CELF2: variants seen among roughly 807,000 people sequenced by gnomAD.
CELF2 encodes the protein CUGBP Elav-like family member 2.
CELF2 carries 8 observed loss-of-function variants against 62.6 expected under a neutral mutation model. The observed-to-expected ratio is 0.13, with a 90% CI of 0.07 to 0.23. The LOEUF (loss-of-function observed/expected upper bound fraction) is 0.23. CELF2 is among the 10% of genes least tolerant of loss of function. The probability of loss-of-function intolerance (pLI) is 1.00; values close to 1 mark genes in which losing one functional copy is unlikely to be tolerated. For missense variants in CELF2, 333 were observed against 671.0 expected (o/e 0.50, Z 5.56); for synonymous variants, 258 against 250.0 (o/e 1.03, Z -0.30).
chr10:10,573,614 C>A, the CELF2 span, among the ~76,000 whole-genome samples: 4 of 152,264 alleles, frequency 2.6e-5, no homozygotes, highest in Non-Finnish European at 4.4e-5. Flanking sequence ...CATGTACTTA[C>A]ATTTTTATTG....
the CELF2 span, among the ~76,000 whole-genome samples, chr10:10,778,437 G>A: frequency 6.6e-6 from 1 of 152,206 alleles, no homozygotes; most frequent in South Asian, 2.1e-4. Flanking sequence ...GGAAAAGAGA[G>A]AAAAATTATG....
rs12262014 is a variant in CELF2, at chr10:11,297,046, A to G, written c.976+8494A>G. On this transcript the variant is annotated intron_variant, in intron 9 of 12. Transcript: ENST00000633077. The surrounding 1 kb of genome is among the most constrained non-coding windows in gnomAD (Gnocchi z 4.4). ...TCAGGACTTTAGGCCCAAGAATGAT[A>G]GACTTCCTGTGTGACTGGACTGAGG... 0.21 allele frequency among the ~76,000 whole-genome samples: 31,966 copies of G among 152,068 alleles called. 4,403 individuals carry two copies. The highest frequency in any genetic ancestry group is 0.39 in the African/African-American group (16,198 of 41,432).
the CELF2 span, among the ~76,000 whole-genome samples, chr10:10,622,476 G>GTATA: frequency 2.0e-5 from 3 of 151,846 alleles, no homozygotes; most frequent in African/African-American, 7.3e-5. Context: ...GTGTGTGTGT[G>GTATA]TGTATATATA....
chr10:11,289,915 A>C (rs1285504527), intron 9 of CELF2, among the ~76,000 whole-genome samples: 1 of 152,168 alleles, frequency 6.6e-6, no homozygotes, highest in East Asian at 1.9e-4. Context: ...GACCCTCCCA[A>C]CTTAGATTTC....
intron 3 of CELF2, among the ~76,000 whole-genome samples, chr10:11,238,666 T>A (rs1431746007): frequency 6.6e-6 from 1 of 152,208 alleles, no homozygotes; most frequent in Admixed American, 6.5e-5. Flanking sequence ...GTGCCACATC[T>A]AATGGGAAGG....
intron 1 of CELF2, among the ~76,000 whole-genome samples, chr10:11,099,432 C>T (rs543780469): frequency 2.6e-5 from 4 of 152,294 alleles, no homozygotes; most frequent in African/African-American, 7.2e-5. Flanking sequence ...TTTTATTTCT[C>T]ATTTAAAATG....
chr10:11,086,875 G>A lies in CELF2; in HGVS notation c.74+68712G>A, dbSNP rs573574147. ...AAAGGTGTTTTCTTGCTTTCTTAAA[G>A]GGACAGGAGGAGATGGGGGAGCAAC... On this transcript the variant is annotated intron_variant, in intron 1 of 12. Transcript: ENST00000633077. Among the ~76,000 whole-genome samples the A allele has an allele frequency of 3.9e-5, 6 of 152,244 alleles. No individual in the cohort carries two copies. In the East Asian group the frequency reaches 9.7e-4, roughly 25 times the overall value.
chr10:11,267,869 T>C lies in CELF2; in HGVS notation c.618+1192T>C, dbSNP rs1035895228. On this transcript the variant is annotated intron_variant, in intron 6 of 12. Coordinates refer to ENST00000633077, the MANE Select transcript of CELF2 (RefSeq NM_001326342.2). The surrounding 1 kb of genome is among the most constrained non-coding windows in gnomAD (Gnocchi z 4.4). ...TTTACTGTACTTTTCTGACTTGTGA[T>C]ACCAGCATTGCAAAGCCTATTGTCT... 2.0e-5 allele frequency among the ~76,000 whole-genome samples: 3 copies of C among 152,210 alleles called. No homozygotes were observed. The highest frequency in any genetic ancestry group is 2.0e-4 in the Admixed American group (3 of 15,284).
chr10:10,678,054 C>T, the CELF2 span, among the ~76,000 whole-genome samples: 1 of 152,132 alleles, frequency 6.6e-6, no homozygotes, highest in South Asian at 2.1e-4. Flanking sequence ...CTGGTGCAAG[C>T]CTGTGACAAA....
chr10:10,824,805 G>A (rs1373064994), intron 1 of CELF2, among the ~76,000 whole-genome samples: 1 of 152,182 alleles, frequency 6.6e-6, no homozygotes, highest in Admixed American at 6.5e-5. Flanking sequence ...ACAATGAATT[G>A]TTAAGTTGAA....
At chr10:10,535,316 T>G in the CELF2 span, among the ~76,000 whole-genome samples, 1 of 152,210 alleles carries the variant, frequency 6.6e-6, no homozygotes, top group Admixed American at 6.5e-5. Flanking sequence ...TGAGATGCCC[T>G]CTGGTTCCCA....
intron 1 of CELF2, among the ~76,000 whole-genome samples, chr10:11,083,682 G>T (rs1380770060): frequency 6.6e-6 from 1 of 152,178 alleles, no homozygotes; most frequent in Non-Finnish European, 1.5e-5. Context: ...ATCTCACCGA[G>T]TTGAGTGGTT....
intron 1 of CELF2, among the ~76,000 whole-genome samples, chr10:11,038,066 G>A (rs915560141): frequency 2.6e-5 from 4 of 152,184 alleles, no homozygotes; most frequent in African/African-American, 9.7e-5. Flanking sequence ...GCCATGTTAA[G>A]TTATAAACCA....
intron 1 of CELF2, among the ~76,000 whole-genome samples, chr10:11,093,851 A>G (rs994821980): frequency 6.6e-6 from 1 of 152,232 alleles, no homozygotes; most frequent in African/African-American, 2.4e-5. Flanking sequence ...AACCTGTGAT[A>G]TAATTATGAT....
chr10:10,715,306 A>G, the CELF2 span, among the ~76,000 whole-genome samples: 3 of 152,216 alleles, frequency 2.0e-5, no homozygotes, highest in African/African-American at 4.8e-5. Flanking sequence ...TACTAGCTCC[A>G]TAGAATTTTC....
At chr10:11,099,019 G>T in intron 1 of CELF2, among the ~76,000 whole-genome samples, 1 of 152,304 alleles carries the variant, frequency 6.6e-6, no homozygotes, top group Middle Eastern at 3.4e-3. Flanking sequence ...TAAAAGTTTC[G>T]CCAGAGAATG....
chr10:10,719,433 T>C, the CELF2 span, among the ~76,000 whole-genome samples: 1 of 151,990 alleles, frequency 6.6e-6, no homozygotes, highest in Non-Finnish European at 1.5e-5. Flanking sequence ...TAATTTTTTT[T>C]GTTGTTGTTT....
At chr10:11,080,788 C>G (rs1490243503) in intron 1 of CELF2, among the ~76,000 whole-genome samples, 1 of 152,174 alleles carries the variant, frequency 6.6e-6, no homozygotes, top group Non-Finnish European at 1.5e-5. Flanking sequence ...CTGAGACAGT[C>G]TTAAATTTCA....
rs2062405683 is a variant in CELF2 at position 10,894,640 on chromosome 10, G to A, written c.54-25324G>A. Among the ~76,000 whole-genome samples the A allele has an allele frequency of 2.0e-5, 3 of 151,802 alleles. No individual in the cohort carries two copies. In the South Asian group the frequency reaches 6.2e-4, roughly 32 times the overall value. ...TAGGAAATGTACAATTAACTAGAAA[G>A]AAGGATCCACTATGATTGACTATAA... On this transcript the variant is annotated intron_variant, in intron 1 of 13. Coordinates refer to the CELF2 transcript ENST00000636488.
Sources: allele counts gnomAD v4.1 joint callset (sites outside exome capture counted in the v4.1 genomes callset), GRCh38; gene constraint gnomAD v4.1.1; non-coding constraint Gnocchi (gnomAD v3.1); transcripts MANE v1.5; gene names NCBI Gene and HGNC (gene_info 2026-07-23, HGNC 2026-07-21).